Variants in TAC4 observed in about 807,000 individuals in gnomAD.
The protein encoded by TAC4 is tachykinin-4.
TAC4 carries 17 observed loss-of-function variants against 17.7 expected under a neutral mutation model. The ratio of observed to expected loss-of-function variants is 0.96; its 90% CI spans 0.66 to 1.44. The LOEUF is 1.44. Ranked by LOEUF, TAC4 falls within the 40% of genes most tolerant of loss-of-function variation. TAC4 has a pLI of 0.00. For synonymous variants in TAC4, 62 were observed against 52.4 expected, an observed-to-expected ratio of 1.18 and a Z score of -0.79; for missense variants, 118 against 125.6, an observed-to-expected ratio of 0.94 and a Z score of 0.29.
At chr17:49,846,822 G>A (rs2074544269) in intron 1 of TAC4, 1 of 617,520 alleles carries the variant, frequency 1.6e-6, no homozygotes, top group Non-Finnish European at 2.4e-6. Context: ...CCATCACCCA[G>A]CAAGGCTTCT....
intron 1 of TAC4, chr17:49,847,283 AT>A: frequency 7.8e-7 from 1 of 1,277,694 alleles, no homozygotes; most frequent in Non-Finnish European, 1.0e-6. Context: ...CCCTTGTCTG[AT>A]TAGGGAACGC....
intron 1 of TAC4, 146 bp downstream of exon 1, chr17:49,847,767 A>T: frequency 7.2e-7 from 1 of 1,394,320 alleles, no homozygotes; most frequent in Non-Finnish European, 9.9e-7. Flanking sequence ...CCTTGAATCT[A>T]CCCATGGTAG....
chr17:49,847,341 TG>T (rs1410287588), intron 1 of TAC4: 11 of 1,102,114 alleles, frequency 1.0e-5, no homozygotes, highest in Non-Finnish European at 1.2e-5. Context: ...CAGGCAGGAG[TG>T]GGGGTAGTGC....
At chr17:49,841,678 G>T (rs2074499335) in intron 2 of TAC4, 94 bp from the exon 3 acceptor site, 1 of 1,282,922 alleles carries the variant, frequency 7.8e-7, no homozygotes, top group Non-Finnish European at 1.0e-6. Flanking sequence ...GAGGGTTGGT[G>T]CATTGGTGGG....
rs1483821838 is a variant in TAC4 at position 49,840,423 on chromosome 17, G to A, written c.233-514C>T. Among the ~76,000 whole-genome samples, 3 of 152,236 alleles carry A rather than the reference G, an allele frequency of 2.0e-5. No homozygotes were observed. In the East Asian group the frequency reaches 5.8e-4, roughly 29 times the overall value. ...GTCAGGTCAGTGAGGCAGGCCTGAA[G>A]GATGCGGTGAGTCGCATTAGGGGAC... On this transcript the variant is annotated intron_variant, in intron 3 of 4. Transcript: ENST00000436235.
At position 49,845,048 on chromosome 17, in the gene TAC4, C is replaced by G. The variant is rs2074527527; in HGVS notation, c.106-891G>C. On this transcript the variant is annotated intron_variant, in intron 1 of 4. Coordinates refer to ENST00000436235, the MANE Select transcript of TAC4 (RefSeq NM_001077506.2). Reference sequence around the variant, plus strand: ...GGTTCTGCTCTATCATGGGAAGTGTCTCCAACATAGATGAGGAGAGGGCAG... The same window carrying G: ...GGTTCTGCTCTATCATGGGAAGTGTGTCCAACATAGATGAGGAGAGGGCAG... Among the ~76,000 whole-genome samples, 3 of 152,286 alleles carry G rather than the reference C, an allele frequency of 2.0e-5. No homozygotes were observed. In the South Asian group the frequency reaches 6.2e-4, roughly 32 times the overall value.
intron 3 of TAC4, among the ~76,000 whole-genome samples, chr17:49,840,532 C>T (rs765284361): frequency 2.6e-5 from 4 of 151,990 alleles, no homozygotes; most frequent in Admixed American, 6.6e-5. Flanking sequence ...AATGGAGTCT[C>T]GCTCTTGTCG....
chr17:49,843,292 C>G (rs1306006214), intron 2 of TAC4, among the ~76,000 whole-genome samples: 1 of 152,190 alleles, frequency 6.6e-6, no homozygotes, highest in African/African-American at 2.4e-5. Flanking sequence ...TTCTCCTGGT[C>G]CCCCAAGGAC....
At chr17:49,842,769 C>G (rs1444282221) in intron 2 of TAC4, among the ~76,000 whole-genome samples, 1 of 152,210 alleles carries the variant, frequency 6.6e-6, no homozygotes, top group South Asian at 2.1e-4. Flanking sequence ...GAAGTAACCA[C>G]TGTTTACAGT....
At chr17:49,841,311 G>T (rs781353486) in intron 3 of TAC4, among the ~76,000 whole-genome samples, 2 of 141,622 alleles carry the variant, frequency 1.4e-5, no homozygotes, top group Non-Finnish European at 3.0e-5. Flanking sequence ...AACGCTGGTC[G>T]AACTAGATCC....
chr17:49,844,135 T>G lies in TAC4; in HGVS notation c.128A>C (p.Gln43Pro). ...CGTCTTCACCTCCTGCAGCTGGAGC[T>G]GAATGCTGGGGCCAGCGCCTTCCTG... Reference protein sequence around the residue: ...ETWEGAGPSIQLQLQEVKTGK... With the variant: ...ETWEGAGPSIPLQLQEVKTGK... The change falls in exon 2 of 5, where the codon CAG becomes CCG. Residue 43 changes from glutamine (Q) to proline (P), a missense_variant. By Grantham distance (76) the Gln-to-Pro change is moderately conservative. Coordinates refer to ENST00000436235, the MANE Select transcript of TAC4 (RefSeq NM_001077506.2). 3 of 1,613,894 alleles carry G rather than the reference T, an allele frequency of 1.9e-6. No individual in the cohort carries two copies. Among genetic ancestry groups the G allele is most frequent in the Non-Finnish European group, 2.5e-6 (3 of 1,179,780 alleles).
At chr17:49,847,855 A>G (rs957737269) in intron 1 of TAC4, 58 bp downstream of exon 1, 1 of 1,612,926 alleles carries the variant, frequency 6.2e-7, no homozygotes, top group Non-Finnish European at 8.5e-7. Context: ...TGCACTGCCG[A>G]TTATCCCCTG....
intron 3 of TAC4, among the ~76,000 whole-genome samples, 168 bp from the exon 4 acceptor site, chr17:49,840,077 G>T (rs758124462): frequency 2.6e-5 from 4 of 152,244 alleles, no homozygotes; most frequent in Non-Finnish European, 5.9e-5. Context: ...AAACACCGTG[G>T]ACTGATTAAT....
intron 4 of TAC4, 69 bp downstream of exon 4, chr17:49,839,781 C>G: frequency 6.8e-7 from 1 of 1,461,720 alleles, no homozygotes. Flanking sequence ...CCCCATCTTG[C>G]AGACTGGCAG....
At chr17:49,841,474 C>T in intron 3 of TAC4, 78 bp downstream of exon 3, 5 of 1,442,698 alleles carry the variant, frequency 3.5e-6, no homozygotes, top group Non-Finnish European at 1.9e-6. Context: ...CTCCCCTCAC[C>T]CACCTGGTTT....
chr17:49,841,636 G>T, intron 2 of TAC4, 52 bp from the exon 3 acceptor site: 1 of 1,492,126 alleles, frequency 6.7e-7, no homozygotes, highest in South Asian at 1.4e-5. Context: ...TTCCCTGGGG[G>T]CTTGGTGAGG....
At chr17:49,847,299 G>A (rs1376481062) in intron 1 of TAC4, 2 of 1,259,088 alleles carry the variant, frequency 1.6e-6, no homozygotes, top group African/African-American at 3.1e-5. Context: ...GAACGCCTGA[G>A]GTCAGGATCT....
chr17:49,841,637 C>A, intron 2 of TAC4, 53 bp from the exon 3 acceptor site: 2 of 1,490,258 alleles, frequency 1.3e-6, no homozygotes, highest in Admixed American at 2.4e-5. Flanking sequence ...TCCCTGGGGG[C>A]TTGGTGAGGT....
At chr17:49,847,768 C>T in intron 1 of TAC4, 145 bp downstream of exon 1, 17 of 1,403,180 alleles carry the variant, frequency 1.2e-5, no homozygotes, top group Non-Finnish European at 1.7e-5. Flanking sequence ...CTTGAATCTA[C>T]CCATGGTAGA....
Sources: allele counts gnomAD v4.1 joint callset (sites outside exome capture counted in the v4.1 genomes callset), GRCh38; gene constraint gnomAD v4.1.1; transcripts MANE v1.5; gene names NCBI Gene and HGNC (gene_info 2026-07-23, HGNC 2026-07-21).